TMEM87B: variants seen among roughly 807,000 people sequenced by gnomAD.
TMEM87B encodes transmembrane protein 87B.
TMEM87B carries 83 observed loss-of-function variants against 80.3 expected under a neutral mutation model. The observed-to-expected ratio is 1.03, with a 90% confidence interval of 0.87 to 1.24. The LOEUF (loss-of-function observed/expected upper bound fraction) is 1.24. TMEM87B is among the 50% of genes most tolerant of loss of function. The pLI, the probability that TMEM87B is intolerant of heterozygous loss-of-function variation, is 0.00. For synonymous variants in TMEM87B, 219 were observed against 230.5 expected, an observed-to-expected ratio of 0.95 and a Z score of 0.45; for missense variants, 625 against 674.4, an observed-to-expected ratio of 0.93 and a Z score of 0.81.
chr2:112,055,999 C>T (rs1357927717), intron 1 of TMEM87B, among the ~76,000 whole-genome samples: 2 of 152,208 alleles, frequency 1.3e-5, no homozygotes, highest in Admixed American at 6.5e-5. Flanking sequence ...CGGGTCCGAG[C>T]GCTCGGACTG....
At position 112,081,052 on chromosome 2, in the gene TMEM87B, C is replaced by T; in HGVS notation, c.593-5C>T. 6.2e-7 allele frequency: 1 copy of T among 1,610,420 alleles called. No homozygotes were observed. On this transcript the variant is annotated splice_region_variant and splice_polypyrimidine_tract_variant and intron_variant, in intron 6 of 18. Coordinates refer to ENST00000283206, the MANE Select transcript of TMEM87B (RefSeq NM_032824.3). Reference sequence around the variant, plus strand: ...TAATTAACTCTCTCTTCTTCTCTATCCTAGTTTCTCTTTCTATGATTGGGC... The same window carrying T: ...TAATTAACTCTCTCTTCTTCTCTATTCTAGTTTCTCTTTCTATGATTGGGC...
intron 17 of TMEM87B, among the ~76,000 whole-genome samples, chr2:112,111,802 C>T (rs1211136553): frequency 6.6e-6 from 1 of 152,184 alleles, no homozygotes; most frequent in African/African-American, 2.4e-5. Context: ...CTGTGAATTT[C>T]CTCATCTTCG....
rs1196594506 is a variant in TMEM87B at position 112,116,606 on chromosome 2, C to G, written c.*463C>G. On this transcript the variant is annotated 3_prime_UTR_variant, in exon 19 of 19. Transcript: ENST00000283206. The stretch of plus-strand genomic sequence containing the variant: ...AGGTTTACTAGATGCAATAATACTT[C>G]TCTTTGACATTTGTACTGAAGTGAT... 6.6e-6 allele frequency: 1 copy of G among 152,504 alleles called. No homozygotes were observed. The highest frequency in any genetic ancestry group is 1.9e-4 in the East Asian group (1 of 5,214). 9.4% of individuals were successfully genotyped at this position (152,504 alleles called of 1,614,324 possible).
intron 16 of TMEM87B, among the ~76,000 whole-genome samples, chr2:112,106,728 A>G (rs769279808): frequency 6.6e-6 from 1 of 152,252 alleles, no homozygotes; most frequent in Non-Finnish European, 1.5e-5. Context: ...TACTTTCCTT[A>G]TAACTATATG....
chr2:112,058,968 G>A (rs1678164259), intron 1 of TMEM87B, among the ~76,000 whole-genome samples: 1 of 152,198 alleles, frequency 6.6e-6, no homozygotes, highest in South Asian at 2.1e-4. Flanking sequence ...GGTGAGCAGA[G>A]AGGAGTGTGT....
chr2:112,058,208 T>G (rs1678141295), intron 1 of TMEM87B, among the ~76,000 whole-genome samples: 1 of 152,188 alleles, frequency 6.6e-6, no homozygotes, highest in Non-Finnish European at 1.5e-5. Context: ...AAATTATTGG[T>G]GTTCCTGCTA....
At chr2:112,065,118 G>A (rs1379076599) in intron 3 of TMEM87B, among the ~76,000 whole-genome samples, 1 of 152,002 alleles carries the variant, frequency 6.6e-6, no homozygotes, top group Non-Finnish European at 1.5e-5. Context: ...TTATAGATGT[G>A]AGCCATTATA....
At chr2:112,067,205 A>G (rs1678461663) in intron 4 of TMEM87B, 138 bp downstream of exon 4, 1 of 1,165,846 alleles carries the variant, frequency 8.6e-7, no homozygotes, top group Non-Finnish European at 1.2e-6. Flanking sequence ...TTTTATTCCC[A>G]CTGAATACAA....
rs1240717507 is a variant in TMEM87B at position 112,119,162 on chromosome 2, A to G, written c.*3019A>G. 2.0e-5 allele frequency: 3 copies of G among 152,122 alleles called. No individual in the cohort carries two copies. The highest frequency in any genetic ancestry group is 1.3e-4 in the Admixed American group (2 of 15,280). 9.4% of individuals were successfully genotyped at this position (152,122 alleles called of 1,614,324 possible). A position where few individuals can be genotyped will look rare whatever the true frequency, so the allele number is the denominator to read the frequency against. ...AAATTTTAGGCATTTAAGAACTTGT[A>G]TTTTTCTATTTTAAAAAGTTAAATT... On this transcript the variant is annotated 3_prime_UTR_variant, in exon 19 of 19. Coordinates refer to ENST00000283206, the MANE Select transcript of TMEM87B (RefSeq NM_032824.3).
chr2:112,118,369 C>A lies in TMEM87B; in HGVS notation c.*2226C>A, dbSNP rs1033261185. On this transcript the variant is annotated 3_prime_UTR_variant, in exon 19 of 19. Transcript: ENST00000283206. ...GTTTCCTGAAACTGGCCATCAGGGC[C>A]TCTGAGGCACTCAAATCAGTTTACT... 2.6e-5 allele frequency: 4 copies of A among 152,178 alleles called. No individual in the cohort carries two copies. The highest frequency in any genetic ancestry group is 4.4e-5 in the Non-Finnish European group (3 of 68,042). 9.4% of individuals were successfully genotyped at this position (152,178 alleles called of 1,614,324 possible).
Position 112,081,101 on chromosome 2 carries a change from G to C in TMEM87B, c.637G>C (p.Asp213His). 1.2e-6 allele frequency: 2 copies of C among 1,612,888 alleles called. No individual in the cohort carries two copies. Among genetic ancestry groups the C allele is most frequent in the Non-Finnish European group, 1.7e-6 (2 of 1,179,764 alleles). The change falls in exon 7 of 19, where the codon GAT becomes CAT. Residue 213 changes from aspartate to histidine, a missense_variant. Transcript: ENST00000283206. Reference sequence around the variant, plus strand: ...GCCTCATGGATATATCTCTGCATCAGATTGGCCCCTAATGATTGTGAGTAT... The same window carrying C: ...GCCTCATGGATATATCTCTGCATCACATTGGCCCCTAATGATTGTGAGTAT... ...IGPHGYISASDWPLMIFYMVM... is the reference protein window; with the variant it reads ...IGPHGYISASHWPLMIFYMVM...
rs552454794 is a variant in TMEM87B at position 112,098,632 on chromosome 2, G to T, written c.1310G>T (p.Ser437Ile). Reference protein sequence around the residue: ...MERWVDDAFWSFLFSLILIVI... With the variant: ...MERWVDDAFWIFLFSLILIVI... ...CGCTGGGTTGACGATGCATTTTGGA[G>T]CTTCCTTTTTTCGCTTATCCTTATT... The change falls in exon 14 of 19, where the codon AGC (serine) becomes ATC (isoleucine). Residue 437 changes from serine (S) to isoleucine (I), a missense_variant. Physicochemically the swap from Ser to Ile is moderately radical, Grantham distance 142. Transcript: ENST00000283206. The T allele has an allele frequency of 6.2e-7, 1 of 1,614,100 alleles. No individual in the cohort carries two copies. The highest frequency in any genetic ancestry group is 2.2e-5 in the East Asian group (1 of 44,858).
chr2:112,057,685 C>T (rs1047402670), intron 1 of TMEM87B, among the ~76,000 whole-genome samples: 5 of 152,182 alleles, frequency 3.3e-5, no homozygotes, highest in Non-Finnish European at 7.3e-5. Context: ...GCCACAGCCC[C>T]TTCTCCCAAG....
At chr2:112,106,514 T>C (rs1325850228) in intron 16 of TMEM87B, among the ~76,000 whole-genome samples, 1 of 152,204 alleles carries the variant, frequency 6.6e-6, no homozygotes, top group East Asian at 1.9e-4. Context: ...TAACATTTGT[T>C]ATCTGTTGGT....
chr2:112,105,072 G>T (rs904986876), intron 15 of TMEM87B, among the ~76,000 whole-genome samples: 1 of 152,034 alleles, frequency 6.6e-6, no homozygotes, highest in African/African-American at 2.4e-5. Context: ...TGGCATGGCA[G>T]TTACTCAAGT....
chr2:112,081,811 G>A (rs956683971), intron 8 of TMEM87B, among the ~76,000 whole-genome samples: 2 of 152,112 alleles, frequency 1.3e-5, no homozygotes, highest in Non-Finnish European at 2.9e-5. Context: ...CACAAAGTTC[G>A]GGACAGGGAG....
chr2:112,116,198 C>CT lies in TMEM87B; in HGVS notation c.*56dup. 1 of 1,474,006 alleles carries CT rather than the reference C, an allele frequency of 6.8e-7. No individual in the cohort carries two copies. The highest frequency in any genetic ancestry group is 9.3e-7 in the Non-Finnish European group (1 of 1,073,632). 91.3% of individuals were successfully genotyped at this position (1,474,006 alleles called of 1,614,324 possible). On this transcript the variant is annotated 3_prime_UTR_variant, in exon 19 of 19. Coordinates refer to ENST00000283206, the MANE Select transcript of TMEM87B (RefSeq NM_032824.3). ...CCTGAAGGACTATCCTTCATCAAGA[C>CT]TGAAAGTGAGCTTTGATTTGATATT...
chr2:112,109,253 A>G (rs1679848860), intron 17 of TMEM87B, among the ~76,000 whole-genome samples: 2 of 152,210 alleles, frequency 1.3e-5, no homozygotes. Context: ...CAGAAAAGGA[A>G]AATATGGGTG....
At chr2:112,105,734 G>A (rs1289816078) in intron 15 of TMEM87B, 2 of 315,834 alleles carry the variant, frequency 6.3e-6, no homozygotes, top group Non-Finnish European at 1.1e-5. Context: ...ATGTATGCAT[G>A]TATACTTGTT....
Sources: allele counts gnomAD v4.1 joint callset (sites outside exome capture counted in the v4.1 genomes callset), GRCh38; gene constraint gnomAD v4.1.1; transcripts MANE v1.5; gene names NCBI Gene and HGNC (gene_info 2026-07-23, HGNC 2026-07-21).